The following SH2D7 variants were observed in gnomAD, a reference collection of about 807,000 sequenced individuals.
The protein encoded by SH2D7 is SH2 domain containing 7, also known as SH2 domain-containing protein 7.
Under a neutral mutation model 40.8 loss-of-function variants are expected in SH2D7, and 32 were observed. The observed-to-expected ratio is 0.78, with a 90% CI of 0.59 to 1.05. SH2D7 has a LOEUF of 1.05. SH2D7 is among the 50% of genes least tolerant of loss of function. The pLI is 0.00. For missense variants in SH2D7, 559 were observed against 566.6 expected, an observed-to-expected ratio of 0.99 and a Z score of 0.14; for synonymous variants, 195 against 221.5, an observed-to-expected ratio of 0.88 and a Z score of 1.06.
chr15:78,095,871 C>A (rs1217420087), intron 2 of SH2D7, among the ~76,000 whole-genome samples: 2 of 152,048 alleles, frequency 1.3e-5, no homozygotes, highest in Non-Finnish European at 2.9e-5. Context: ...GAGACAGAGT[C>A]TCGCTCTCTC....
At chr15:78,091,579 G>A (rs1035831098), upstream of SH2D7, among the ~76,000 whole-genome samples, 4 of 152,074 alleles carry the variant, frequency 2.6e-5, no homozygotes, top group African/African-American at 9.7e-5. Context: ...CATCCACCCG[G>A]CCTGGATTTC....
chr15:78,090,486 C>T (rs1053160087), upstream of SH2D7, among the ~76,000 whole-genome samples: 3 of 152,288 alleles, frequency 2.0e-5, no homozygotes, highest in African/African-American at 7.2e-5. Flanking sequence ...TGCGTGTTCT[C>T]TACACTATAA....
chr15:78,094,626 A>G (rs1344844083), intron 2 of SH2D7, among the ~76,000 whole-genome samples: 1 of 152,188 alleles, frequency 6.6e-6, no homozygotes, highest in Non-Finnish European at 1.5e-5. Flanking sequence ...GGTGCAGCAG[A>G]ACACTTGGTT....
In SH2D7 at chr15:78,092,700, C is replaced by A; in HGVS notation, c.116C>A (p.Ala39Asp). ...CTGAAGTGGTTCATGGAGACACAGG[C>A]CCCCTTCATTCTGCAGAACGGTGCC... The part of the protein sequence containing the change: ...LALKWFMETQ[A>D]PFILQNGALP... The change falls in exon 1 of 6, where the codon GCC (alanine) becomes GAC (aspartate). Residue 39 changes from alanine to aspartate, a missense_variant. Ala to Asp is a moderately radical substitution (Grantham distance 126, BLOSUM62 -2). Transcript: ENST00000328828. 3 of 1,599,770 alleles carry A rather than the reference C, an allele frequency of 1.9e-6. No individual in the cohort carries two copies. Among genetic ancestry groups the A allele is most frequent in the Non-Finnish European group, 2.6e-6 (3 of 1,173,484 alleles).
rs376709241 is a variant in SH2D7 at position 78,098,430 on chromosome 15, A to G, written c.479A>G (p.Gln160Arg). Residue 160 changes from glutamine (Q) to arginine (R), a missense_variant, in exon 4 of 6, where the codon CAG (glutamine) becomes CGG (arginine). By Grantham distance (43) the Gln-to-Arg change is conservative. Transcript: ENST00000328828. ...GATGCCATCACCCGGGGCCTCCACC[A>G]GACCATCGTGGACCCAGAAAACCCA... ...LYDAITRGLHQTIVDPENPPA... is the reference protein window; with the variant it reads ...LYDAITRGLHRTIVDPENPPA... The G allele has an allele frequency of 1.9e-6, 3 of 1,613,952 alleles. No homozygotes were observed. The highest frequency in any genetic ancestry group is 2.5e-6 in the Non-Finnish European group (3 of 1,179,878).
intron 5 of SH2D7, among the ~76,000 whole-genome samples, chr15:78,101,941 A>C (rs1044174239): frequency 2.0e-5 from 3 of 152,178 alleles, no homozygotes; most frequent in African/African-American, 7.2e-5. Flanking sequence ...GTTAAACCTG[A>C]ATTACAGATA....
At chr15:78,090,136 C>G (rs947920562), upstream of SH2D7, among the ~76,000 whole-genome samples, 5 of 152,118 alleles carry the variant, frequency 3.3e-5, no homozygotes, top group Admixed American at 3.3e-4. Context: ...CCCAGGTGAG[C>G]TAAGTATGGT....
upstream of SH2D7, chr15:78,092,526 C>T (rs887216305): frequency 1.5e-5 from 22 of 1,488,832 alleles, no homozygotes; most frequent in African/African-American, 1.1e-4. Flanking sequence ...CCAGAGCACA[C>T]GCAGATATAG....
At chr15:78,095,263 A>T (rs958175693) in intron 2 of SH2D7, among the ~76,000 whole-genome samples, 1 of 152,240 alleles carries the variant, frequency 6.6e-6, no homozygotes, top group Admixed American at 6.5e-5. Context: ...CATTGTTAAA[A>T]TATTTTTATT....
Position 78,092,753 on chromosome 15 carries a change from AC to A in SH2D7, c.172del (p.Arg58AlafsTer81). ...ALPPWFHGFI[T>X]RKQTEQLLRD... The stretch of plus-strand genomic sequence containing the variant: ...GCCTCCCTGGTTTCATGGATTCATC[AC>A]CCGCAAGTAAGGCTGCTTCTACCCA... On this transcript the variant is annotated frameshift_variant, in exon 1 of 6. Transcript: ENST00000328828. LOFTEE classifies it high-confidence loss of function. The A allele has an allele frequency of 6.2e-7, 1 of 1,606,996 alleles. No individual in the cohort carries two copies. Among genetic ancestry groups the A allele is most frequent in the Non-Finnish European group, 8.5e-7 (1 of 1,176,092 alleles).
At position 78,092,716 on chromosome 15, in the gene SH2D7, G is replaced by T. The variant is rs1488224981; in HGVS notation, c.132G>T (p.Gln44His). 1.9e-6 allele frequency: 3 copies of T among 1,605,242 alleles called. No individual in the cohort carries two copies. The highest frequency in any genetic ancestry group is 2.6e-6 in the Non-Finnish European group (3 of 1,176,062). Residue 44 changes from glutamine (Q) to histidine (H), a missense_variant, in exon 1 of 6, where the codon CAG becomes CAT. Physicochemically the swap from Gln to His is conservative, Grantham distance 24. Coordinates refer to ENST00000328828, the MANE Select transcript of SH2D7 (RefSeq NM_001101404.2). ...FMETQAPFIL[Q>H]NGALPPWFHG... ...AGACACAGGCCCCCTTCATTCTGCA[G>T]AACGGTGCCCTGCCTCCCTGGTTTC...
rs747766099 is a variant in SH2D7, at chr15:78,098,539, T to C, written c.588T>C (p.His196=). 52 of 1,613,838 alleles carry C rather than the reference T, an allele frequency of 3.2e-5. No homozygotes were observed. Among genetic ancestry groups the C allele is most frequent in the African/African-American group, 1.3e-5 (1 of 74,898 alleles). ...CAAAGCCCCAGGTCTCCTTCCTCCATGCACAGAAAAGCCTGGATGTGAGTC... is the reference window on the plus strand; with the variant it reads ...CAAAGCCCCAGGTCTCCTTCCTCCACGCACAGAAAAGCCTGGATGTGAGTC... ...SSPKPQVSFL[H]AQKSLDVSPR... The change falls in exon 4 of 6, where the codon CAT becomes CAC. Residue 196 remains histidine (H), a synonymous_variant. Coordinates refer to ENST00000328828, the MANE Select transcript of SH2D7 (RefSeq NM_001101404.2).
chr15:78,101,079 C>G lies in SH2D7; in HGVS notation c.826C>G (p.Pro276Ala), dbSNP rs778106252. ...TCCAGCTGGCAGCCAGGCCTACTCC[C>G]CAGGCAGGGAGGCCCAAAGGAGACT... ...PVPAGSQAYS[P>A]GREAQRRLSD... The change falls in exon 5 of 6, where the codon CCA becomes GCA. Residue 276 changes from proline to alanine, a missense_variant. Physicochemically the swap from Pro to Ala is conservative, Grantham distance 27. Transcript: ENST00000328828. 23 of 1,594,566 alleles carry G rather than the reference C, an allele frequency of 1.4e-5. No homozygotes were observed. In the African/African-American group the frequency reaches 2.8e-4, roughly 20 times the overall value.
At chr15:78,098,323 G>A in intron 3 of SH2D7, 61 bp from the exon 4 acceptor site, 1 of 1,584,832 alleles carries the variant, frequency 6.3e-7, no homozygotes, top group Non-Finnish European at 8.6e-7. Context: ...GTCTCAGGCA[G>A]GCAGCTGGAG....
At position 78,098,026 on chromosome 15, in the gene SH2D7, C is replaced by T. The variant is rs751520138; in HGVS notation, c.364C>T (p.Leu122Phe). ...DTQSHSTLAE[L>F]VHHYQEAQLE... ...CCAGAGCCACAGCACCCTGGCTGAG[C>T]TTGTGCACCATTACCAGGAGGCACA... The change falls in exon 3 of 6, where the codon CTT becomes TTT. Residue 122 changes from leucine (L) to phenylalanine (F), a missense_variant. Coordinates refer to ENST00000328828, the MANE Select transcript of SH2D7 (RefSeq NM_001101404.2). 1.9e-6 allele frequency: 3 copies of T among 1,614,036 alleles called. No individual in the cohort carries two copies. Among genetic ancestry groups the T allele is most frequent in the Non-Finnish European group, 2.5e-6 (3 of 1,179,898 alleles).
intron 5 of SH2D7, 112 bp downstream of exon 5, chr15:78,101,670 A>C: frequency 8.0e-7 from 1 of 1,255,408 alleles, no homozygotes; most frequent in East Asian, 2.5e-5. Context: ...CACTGCCTGG[A>C]AGTACACAGA....
At position 78,098,592 on chromosome 15, in the gene SH2D7, T is replaced by C; in HGVS notation, c.641T>C (p.Met214Thr). The change falls in exon 4 of 6, where the codon ATG (methionine) becomes ACG (threonine). Residue 214 changes from methionine (M) to threonine (T), a missense_variant. Met to Thr is a moderately conservative substitution (Grantham distance 81). Transcript: ENST00000328828. ...CGGAACCTCTCCCAGGAGGAAAGCA[T>C]GGAGGTGAGGAGCATTATGGGCCAC... ...SPRNLSQEES[M>T]EAPIRVSPLP... 6.2e-7 allele frequency: 1 copy of C among 1,613,378 alleles called. No homozygotes were observed. The highest frequency in any genetic ancestry group is 8.5e-7 in the Non-Finnish European group (1 of 1,179,688).
At position 78,101,549 on chromosome 15, in the gene SH2D7, G is replaced by T; in HGVS notation, c.1296G>T (p.Arg432=). Residue 432 remains arginine, a synonymous_variant, in exon 5 of 6, where the codon CGG becomes CGT. Transcript: ENST00000328828. ...CAACCAAGAGCAAGGAGACTGGACGGACACACAAGGTGAGCTCCATGATGG... is the reference window on the plus strand; with the variant it reads ...CAACCAAGAGCAAGGAGACTGGACGTACACACAAGGTGAGCTCCATGATGG... ...IPATKSKETG[R]THKPDKLRRL... The T allele has an allele frequency of 6.3e-7, 1 of 1,587,548 alleles. No individual in the cohort carries two copies. Among genetic ancestry groups the T allele is most frequent in the Non-Finnish European group, 8.6e-7 (1 of 1,168,002 alleles).
intron 2 of SH2D7, among the ~76,000 whole-genome samples, chr15:78,095,064 T>A (rs8034486): frequency 0.13 from 20,074 of 152,210 alleles, 1,545 homozygotes; most frequent in Non-Finnish European, 0.18. Flanking sequence ...ATATTCAGAC[T>A]GCCCCAGTTC....
Sources: gnomAD v4.1 joint callset for allele counts (sites outside exome capture counted in the v4.1 genomes callset) on GRCh38, gnomAD v4.1.1 for gene constraint, MANE v1.5 for transcripts, NCBI Gene and HGNC (gene_info 2026-07-23, HGNC 2026-07-21) for gene names.